FBXL5: variants seen among roughly 807,000 people sequenced by gnomAD.
FBXL5 encodes the protein F-box and leucine rich repeat protein 5, also known as F-box/LRR-repeat protein 5.
A neutral mutation model predicts 78.3 loss-of-function variants in FBXL5; 26 were observed. The ratio of observed to expected loss-of-function variants is 0.33; its 90% confidence interval spans 0.24 to 0.46. FBXL5 has a LOEUF of 0.46. FBXL5 is among the 20% of genes least tolerant of loss of function. The pLI, the probability that FBXL5 is intolerant of heterozygous loss-of-function variation, is 1.00. For synonymous variants in FBXL5, 295 were observed against 282.5 expected (o/e 1.04, Z -0.45); for missense variants, 710 against 829.2 (o/e 0.86, Z 1.77).
chr4:15,614,315 C>T (rs1016069206), intron 9 of FBXL5, among the ~76,000 whole-genome samples: 41 of 152,254 alleles, frequency 2.7e-4, no homozygotes, highest in African/African-American at 8.4e-4. Context: ...GCCATGGGTA[C>T]CAGCACCTGC....
rs35305004 is a variant in FBXL5, at chr4:15,653,643, A to ATT, written c.84+1559_84+1560dup. On this transcript the variant is annotated intron_variant, in intron 1 of 10. Transcript: ENST00000341285. ...ACTTCCACTTTCGATTTTTGAGACCATTTTTTTTTTCTTTCCTGCTATTAA... is the reference window on the plus strand; with the variant it reads ...ACTTCCACTTTCGATTTTTGAGACCATTTTTTTTTTTTCTTTCCTGCTATTAA... Among the ~76,000 whole-genome samples, 8 of 150,346 alleles carry ATT rather than the reference A, an allele frequency of 5.3e-5. No individual in the cohort carries two copies. In the South Asian group the frequency reaches 1.0e-3, roughly 20 times the overall value.
chr4:15,611,809 C>G (rs923061578), intron 10 of FBXL5, among the ~76,000 whole-genome samples: 16 of 152,094 alleles, frequency 1.1e-4, no homozygotes, highest in Non-Finnish European at 7.4e-5. Context: ...GATCCAGAAA[C>G]TCTGGAAGTC....
At chr4:15,646,029 T>TAATAATA (rs1418799200) in intron 1 of FBXL5, among the ~76,000 whole-genome samples, 1 of 152,160 alleles carries the variant, frequency 6.6e-6, no homozygotes, top group East Asian at 1.9e-4. Context: ...CTGCAATACA[T>TAATAATA]AAGTAAATAA....
chr4:15,651,257 A>C (rs1422745691), intron 1 of FBXL5, among the ~76,000 whole-genome samples: 1 of 152,236 alleles, frequency 6.6e-6, no homozygotes, highest in Non-Finnish European at 1.5e-5. Context: ...GCTACCAATA[A>C]GTAGCAGAAC....
intron 10 of FBXL5, among the ~76,000 whole-genome samples, chr4:15,611,705 C>T (rs1722278064): frequency 1.3e-5 from 2 of 152,048 alleles, no homozygotes; most frequent in East Asian, 1.9e-4. Flanking sequence ...TTCCAAAATA[C>T]TACAGGAATT....
chr4:15,639,769 G>C (rs1714652327), intron 3 of FBXL5, among the ~76,000 whole-genome samples: 1 of 152,140 alleles, frequency 6.6e-6, no homozygotes, highest in Non-Finnish European at 1.5e-5. Context: ...TAACTCTGAT[G>C]TAATTTGTCT....
rs552093441 is a variant in FBXL5, at chr4:15,605,143, G to C, written c.*580C>G. 1 of 152,630 alleles carries C rather than the reference G, an allele frequency of 6.6e-6. No individual in the cohort carries two copies. Among genetic ancestry groups the C allele is most frequent in the South Asian group, 2.1e-4 (1 of 4,834 alleles). The allele number at this position is 152,630 out of a possible 1,614,324, so 9.5% of individuals were successfully genotyped here. On this transcript the variant is annotated 3_prime_UTR_variant, in exon 11 of 11. Coordinates refer to ENST00000341285, the MANE Select transcript of FBXL5 (RefSeq NM_012161.4). ...AGTATCCCTAAAGGAAACAAATATCGATTGGTGCTTTCCTAGCTCACTGAG... is the reference window on the plus strand; with the variant it reads ...AGTATCCCTAAAGGAAACAAATATCCATTGGTGCTTTCCTAGCTCACTGAG...
chr4:15,641,466 T>C (rs1424425977), intron 2 of FBXL5: 1 of 346,222 alleles, frequency 2.9e-6, no homozygotes, highest in Non-Finnish European at 5.6e-6. Context: ...TAATAAATAG[T>C]GAATAGATTT....
rs35373918 is a variant in FBXL5, at chr4:15,646,368, AT to A, written c.85-1661del. On this transcript the variant is annotated intron_variant, in intron 1 of 10. Transcript: ENST00000341285. Reference sequence around the variant, plus strand: ...ATACTTGGTTAAATACATATTATAGATTTTTTTTTAAATCATAAGAAATGCC... The same window carrying A: ...ATACTTGGTTAAATACATATTATAGATTTTTTTTAAATCATAAGAAATGCC... 4.7e-5 allele frequency among the ~76,000 whole-genome samples: 7 copies of A among 149,856 alleles called. No individual in the cohort carries two copies. The East Asian group carries it at 1.2e-3, about 25-fold the overall frequency.
chr4:15,619,990 G>A (rs1405604460), intron 9 of FBXL5, among the ~76,000 whole-genome samples: 5 of 152,094 alleles, frequency 3.3e-5, no homozygotes, highest in Non-Finnish European at 5.9e-5. Flanking sequence ...GATCACCTGA[G>A]CTTAGGAGTC....
At chr4:15,621,231 AAT>A (rs1365923611) in intron 9 of FBXL5, among the ~76,000 whole-genome samples, 1 of 152,234 alleles carries the variant, frequency 6.6e-6, no homozygotes, top group Non-Finnish European at 1.5e-5. Flanking sequence ...TCACAAAAAA[AAT>A]GTTAGAACTA....
At chr4:15,635,323 C>A (rs1465428365) in intron 5 of FBXL5, among the ~76,000 whole-genome samples, 2 of 148,832 alleles carry the variant, frequency 1.3e-5, no homozygotes, top group Admixed American at 6.7e-5. Context: ...AGAGTAAAAC[C>A]CCATCTCAAA....
intron 3 of FBXL5, among the ~76,000 whole-genome samples, chr4:15,640,352 A>C (rs1387840311): frequency 1.3e-5 from 2 of 150,812 alleles, no homozygotes; most frequent in Non-Finnish European, 3.0e-5. Context: ...GCCAAGACTA[A>C]TACATTTAAA....
At chr4:15,675,265 T>C (rs954064309) in intron 1 of FBXL5, among the ~76,000 whole-genome samples, 3 of 152,186 alleles carry the variant, frequency 2.0e-5, no homozygotes, top group African/African-American at 4.8e-5. Context: ...TAATTTATAC[T>C]TAACATTTAT....
upstream of FBXL5, chr4:15,656,127 G>T (rs1482182910): frequency 8.8e-6 from 4 of 454,770 alleles, no homozygotes; most frequent in East Asian, 2.8e-4. Flanking sequence ...GGCCTTGGGG[G>T]TGGGGAGAAG....
At chr4:15,622,339 T>A (rs1712575980) in intron 9 of FBXL5, among the ~76,000 whole-genome samples, 1 of 152,230 alleles carries the variant, frequency 6.6e-6, no homozygotes, top group Non-Finnish European at 1.5e-5. Context: ...TTACTGTAAC[T>A]GGTTGACTGA....
At chr4:15,656,203 TTCGGAGAGAAAACAAGG>T (rs1360478318), upstream of FBXL5, 1 of 455,944 alleles carries the variant, frequency 2.2e-6, no homozygotes, top group East Asian at 6.9e-5. Flanking sequence ...TAAGCGGAGG[TTCGGAGAGAAAACAAGG>T]TCACTAACCC....
chr4:15,676,693 G>A (rs1020381322), intron 1 of FBXL5, among the ~76,000 whole-genome samples: 2 of 151,858 alleles, frequency 1.3e-5, no homozygotes, highest in East Asian at 1.9e-4. Context: ...TGAGTATTAC[G>A]GGGGGGAGGG....
intron 1 of FBXL5, among the ~76,000 whole-genome samples, chr4:15,647,073 A>C (rs1277563367): frequency 1.3e-5 from 2 of 151,686 alleles, no homozygotes; most frequent in Non-Finnish European, 2.9e-5. Context: ...AAACACAAAA[A>C]TTAGCAGGGA....
Sources: allele counts gnomAD v4.1 joint callset (sites outside exome capture counted in the v4.1 genomes callset), GRCh38; gene constraint gnomAD v4.1.1; transcripts MANE v1.5; gene names NCBI Gene and HGNC (gene_info 2026-07-23, HGNC 2026-07-21).